AP1B1: variants seen among roughly 807,000 people sequenced by gnomAD.
The protein encoded by AP1B1 is AP-1 complex subunit beta-1.
A neutral mutation model predicts 104.3 loss-of-function variants in AP1B1; 36 were observed. The ratio of observed to expected loss-of-function variants is 0.35; its 90% confidence interval spans 0.26 to 0.46. AP1B1 has a LOEUF of 0.46. AP1B1 is among the 20% of genes least tolerant of loss of function. AP1B1 has a pLI of 1.00. For synonymous variants in AP1B1, 504 were observed against 517.5 expected (o/e 0.97, Z 0.35); for missense variants, 901 against 1,247.9 (o/e 0.72, Z 4.19).
At chr22:29,349,976 C>T (rs1003215983) in intron 10 of AP1B1, 59 bp downstream of exon 10, 28 of 1,341,584 alleles carry the variant, frequency 2.1e-5, no homozygotes, top group Middle Eastern at 3.6e-4. Context: ...TTTTCTGCCC[C>T]GCCATCCCTG....
intron 16 of AP1B1, among the ~76,000 whole-genome samples, chr22:29,336,147 A>G (rs773930742): frequency 6.6e-6 from 1 of 152,236 alleles, no homozygotes; most frequent in Non-Finnish European, 1.5e-5. Context: ...TGAGGAACCC[A>G]AAAGTTCTTA....
chr22:29,339,949 A>G (rs984186836), intron 14 of AP1B1, among the ~76,000 whole-genome samples, 175 bp from the exon 15 acceptor site: 9 of 151,706 alleles, frequency 5.9e-5, no homozygotes, highest in African/African-American at 2.2e-4. Context: ...CCCTGTCTCT[A>G]TGAAAGGCAC....
At chr22:29,361,297 G>T (rs1341606458) in intron 3 of AP1B1, among the ~76,000 whole-genome samples, 1 of 152,180 alleles carries the variant, frequency 6.6e-6, no homozygotes, top group Non-Finnish European at 1.5e-5. Context: ...GCGATCCATG[G>T]GGACGTCTGG....
intron 22 of AP1B1, 120 bp downstream of exon 22, chr22:29,329,592 C>A (rs976291656): frequency 6.5e-7 from 1 of 1,548,198 alleles, no homozygotes; most frequent in East Asian, 2.3e-5. Flanking sequence ...TGGCTGAAGC[C>A]CCCCGGGTGA....
intron 3 of AP1B1, among the ~76,000 whole-genome samples, chr22:29,361,691 C>A (rs1020345779): frequency 6.6e-6 from 1 of 152,106 alleles, no homozygotes; most frequent in Non-Finnish European, 1.5e-5. Context: ...AACAAGAGAA[C>A]AGTTTCCATT....
At chr22:29,330,079 C>A in intron 21 of AP1B1, 1 of 1,412,870 alleles carries the variant, frequency 7.1e-7, no homozygotes, top group Non-Finnish European at 9.2e-7. Context: ...AGGGCCTGTG[C>A]CCAGCAATGT....
intron 13 of AP1B1, 47 bp downstream of exon 13, chr22:29,341,454 G>A: frequency 6.3e-7 from 1 of 1,584,046 alleles, no homozygotes; most frequent in Non-Finnish European, 8.6e-7. Flanking sequence ...TGCTAAACTG[G>A]GGAAGCAGAG....
intron 17 of AP1B1, among the ~76,000 whole-genome samples, chr22:29,334,004 G>A (rs1404345613): frequency 1.3e-5 from 2 of 152,218 alleles, no homozygotes; most frequent in South Asian, 2.1e-4. Flanking sequence ...GGTGGAGGCC[G>A]CAGTGAGCCG....
chr22:29,380,176 C>T (rs1366684852), intron 1 of AP1B1, among the ~76,000 whole-genome samples: 1 of 152,148 alleles, frequency 6.6e-6, no homozygotes, highest in African/African-American at 2.4e-5. Context: ...TTCCTGAAAA[C>T]CTGTCTTCCC....
Position 29,357,264 on chromosome 22 carries a change from C to T in AP1B1, c.526-648G>A, listed in dbSNP as rs191835684. On this transcript the variant is annotated intron_variant, in intron 5 of 22. Coordinates refer to ENST00000357586, the MANE Select transcript of AP1B1 (RefSeq NM_001127.4). ...TGTATTTTTAGTAGAGATGGGGTTT[C>T]GCCATGTTGGCCAGGCTAGTCTCAG... is the stretch of plus-strand genomic sequence containing the variant. Among the ~76,000 whole-genome samples, 76 of 152,054 alleles carry T rather than the reference C, an allele frequency of 5.0e-4. 1 individual carries two copies. Among genetic ancestry groups the T allele is most frequent in the East Asian group, 1.9e-4 (1 of 5,168 alleles).
intron 1 of AP1B1, among the ~76,000 whole-genome samples, chr22:29,385,003 T>C (rs1255527281): frequency 6.6e-6 from 1 of 152,138 alleles, no homozygotes; most frequent in Non-Finnish European, 1.5e-5. Context: ...AAGAACCAAG[T>C]AGCACTCCAG....
Position 29,339,212 on chromosome 22 carries a change from G to C in AP1B1, c.2020-79C>G, listed in dbSNP as rs911303556. 4 of 1,559,076 alleles carry C rather than the reference G, an allele frequency of 2.6e-6. No individual in the cohort carries two copies. The African/African-American group carries it at 5.4e-5, about 21-fold the overall frequency. On this transcript the variant is annotated intron_variant, in intron 15 of 22. Transcript: ENST00000357586. The stretch of plus-strand genomic sequence containing the variant: ...GGTCTGGGAATGAGTAGAGCCACCT[G>C]GCTCTTTAGAAGACACTGGGGGCAG...
chr22:29,387,597 T>C (rs1158849632), intron 1 of AP1B1, among the ~76,000 whole-genome samples: 2 of 152,146 alleles, frequency 1.3e-5, no homozygotes, highest in Admixed American at 6.5e-5. Context: ...TGAGCCACCA[T>C]GTCTGGCTAA....
intron 10 of AP1B1, among the ~76,000 whole-genome samples, chr22:29,349,681 T>A (rs1337989749): frequency 6.6e-6 from 1 of 152,018 alleles, no homozygotes; most frequent in Non-Finnish European, 1.5e-5. Flanking sequence ...ATCCAGCTAA[T>A]TTTTTTGTAT....
rs2061676563 is a variant in AP1B1 at position 29,339,062 on chromosome 22, A to G, written c.2091T>C (p.Ser697=). ...TCAGGTCAAAGAGGTCACTCAGGCC[A>G]CTGCCGATGGGTGCTCCAAGATTGG... is the stretch of plus-strand genomic sequence containing the variant. ...VPANLGAPIG[S]GLSDLFDLTS... Residue 697 remains serine, a synonymous_variant, in exon 16 of 23, where the codon AGT becomes AGC. Coordinates refer to ENST00000357586, the MANE Select transcript of AP1B1 (RefSeq NM_001127.4). 1.1e-5 allele frequency: 18 copies of G among 1,614,210 alleles called. No homozygotes were observed. The highest frequency in any genetic ancestry group is 1.5e-5 in the Non-Finnish European group (18 of 1,180,036).
At chr22:29,355,219 A>G (rs1185306820) in intron 6 of AP1B1, among the ~76,000 whole-genome samples, 1 of 152,004 alleles carries the variant, frequency 6.6e-6, no homozygotes, top group Non-Finnish European at 1.5e-5. Context: ...CCTGGGCAAC[A>G]GAGTGAGACC....
In AP1B1 at chr22:29,331,703, G is replaced by A. The variant is rs149894699; in HGVS notation, c.2439+84C>T. 9.7e-5 allele frequency: 156 copies of A among 1,609,392 alleles called. 1 individual carries two copies. The African/African-American group carries it at 1.8e-3, about 19-fold the overall frequency. On this transcript the variant is annotated intron_variant, in intron 18 of 22. Transcript: ENST00000357586. ...CATCTGCAGCTAAGAGCATGACTCC[G>A]CAGACACGACCTTCTACTGACCCCA...
In AP1B1 at chr22:29,339,080, A is replaced by C; in HGVS notation, c.2073T>G (p.Leu691=). The change falls in exon 16 of 23, where the codon CTT becomes CTG. Residue 691 remains leucine (L), a synonymous_variant. Transcript: ENST00000357586. ...APPTAAVPAN[L]GAPIGSGLSD... is the part of the protein sequence containing the mutation. Reference sequence around the variant, plus strand: ...TCAGGCCACTGCCGATGGGTGCTCCAAGATTGGCTGGTACTGCTGCTGTTG... The same window carrying C: ...TCAGGCCACTGCCGATGGGTGCTCCCAGATTGGCTGGTACTGCTGCTGTTG... 6.2e-7 allele frequency: 1 copy of C among 1,614,176 alleles called. No homozygotes were observed. The highest frequency in any genetic ancestry group is 1.7e-5 in the Admixed American group (1 of 60,016).
intron 1 of AP1B1, among the ~76,000 whole-genome samples, chr22:29,376,584 TGAATAGCTGTCA>T (rs2062345791): frequency 6.6e-6 from 1 of 152,136 alleles, no homozygotes; most frequent in South Asian, 2.1e-4. Context: ...CCCTAATGAA[TGAATAGCTGTCA>T]GAAACCTGCT....
Sources: gnomAD v4.1 joint callset for allele counts (sites outside exome capture counted in the v4.1 genomes callset) on GRCh38, gnomAD v4.1.1 for gene constraint, MANE v1.5 for transcripts, NCBI Gene and HGNC (gene_info 2026-07-23, HGNC 2026-07-21) for gene names.